ACTL6A: variants seen among roughly 807,000 people sequenced by gnomAD.
ACTL6A encodes actin-like protein 6A.
In ACTL6A, 5 loss-of-function variants were observed where a neutral mutation model predicts 59.2. The observed-to-expected ratio is 0.08, with a 90% CI of 0.04 to 0.18. The LOEUF (loss-of-function observed/expected upper bound fraction) is 0.18. Ranked by LOEUF, ACTL6A falls within the 10% of genes least tolerant of loss-of-function variation. The pLI, the probability that ACTL6A is intolerant of heterozygous loss-of-function variation, is 1.00. For missense variants in ACTL6A, 285 were observed against 526.9 expected, an observed-to-expected ratio of 0.54 and a Z score of 4.49; for synonymous variants, 154 against 171.8, an observed-to-expected ratio of 0.90 and a Z score of 0.81.
At chr3:179,575,254 G>A (rs1042291543) in intron 5 of ACTL6A, 6 of 393,586 alleles carry the variant, frequency 1.5e-5, no homozygotes, top group African/African-American at 8.4e-5. Context: ...CTCTGACCTC[G>A]CTGTGTTCTC....
chr3:179,585,075 A>AGATT (rs1004248043), intron 12 of ACTL6A, among the ~76,000 whole-genome samples: 2 of 152,110 alleles, frequency 1.3e-5, no homozygotes, highest in South Asian at 2.1e-4. Flanking sequence ...ACTAATCATT[A>AGATT]GATTGATTGA....
At position 179,572,982 on chromosome 3, in the gene ACTL6A, C is replaced by CTTTTTT. The variant is rs71628083; in HGVS notation, c.278-376_278-371dup. On this transcript the variant is annotated intron_variant, in intron 3 of 13. Coordinates refer to ENST00000429709, the MANE Select transcript of ACTL6A (RefSeq NM_004301.5). ...TCGGGTCTAGACCATACAATTCTTT[C>CTTTTTT]TTTTTTTTTTTTTTTTATAAATCCA... 1.4e-4 allele frequency among the ~76,000 whole-genome samples: 20 copies of CTTTTTT among 138,828 alleles called. 1 individual carries two copies. The highest frequency in any genetic ancestry group is 1.7e-4 in the Non-Finnish European group (11 of 64,712). The allele number at this position is 138,828 out of a possible 152,430, so 91.1% of individuals were successfully genotyped here.
At chr3:179,568,149 GCAGCAATA>G (rs1205592246) in intron 1 of ACTL6A, among the ~76,000 whole-genome samples, 1 of 144,984 alleles carries the variant, frequency 6.9e-6, no homozygotes, top group Non-Finnish European at 1.5e-5. Flanking sequence ...TCCAGCCTGG[GCAGCAATA>G]CAGCAAGACT....
intron 7 of ACTL6A, 22 bp downstream of exon 7, chr3:179,576,748 T>C: frequency 1.2e-6 from 2 of 1,608,838 alleles, no homozygotes; most frequent in African/African-American, 1.3e-5. Flanking sequence ...TTGAATTTTC[T>C]TTGTAGAACT....
chr3:179,571,663 G>A (rs1718012907), intron 3 of ACTL6A, among the ~76,000 whole-genome samples: 1 of 152,198 alleles, frequency 6.6e-6, no homozygotes, highest in Non-Finnish European at 1.5e-5. Context: ...CACAGGATGT[G>A]CTTAATCCCT....
At chr3:179,581,104 A>G in intron 10 of ACTL6A, 36 bp from the exon 11 acceptor site, 1 of 1,606,360 alleles carries the variant, frequency 6.2e-7, no homozygotes, top group South Asian at 1.1e-5. Flanking sequence ...CTGTATGAAG[A>G]GCTTCCATGT....
intron 8 of ACTL6A, among the ~76,000 whole-genome samples, chr3:179,579,123 T>C (rs1219130439): frequency 6.6e-6 from 1 of 152,206 alleles, no homozygotes; most frequent in East Asian, 1.9e-4. Context: ...TTGATTTTCA[T>C]TTATCTGATG....
At chr3:179,569,189 C>T (rs1470627843) in intron 1 of ACTL6A, among the ~76,000 whole-genome samples, 1 of 152,186 alleles carries the variant, frequency 6.6e-6, no homozygotes, top group Non-Finnish European at 1.5e-5. Context: ...TGGCTAACTG[C>T]ATCCCCTCTA....
chr3:179,581,165 G>A lies in ACTL6A; in HGVS notation c.971G>A (p.Gly324Glu). ...VKGLSGNTMLGVSHVVTTSVG... is the reference protein window; with the variant it reads ...VKGLSGNTMLEVSHVVTTSVG... ...GGGTTATCAGGAAACACAATGTTAG[G>A]AGTCAGTCATGTTGTCACCACAAGT... The change falls in exon 11 of 14, where the codon GGA becomes GAA. Residue 324 changes from glycine (G) to glutamate (E), a missense_variant. By Grantham distance (98) the Gly-to-Glu change is moderately conservative (BLOSUM62 -2). Transcript: ENST00000429709. 4 of 1,614,032 alleles carry A rather than the reference G, an allele frequency of 2.5e-6. No homozygotes were observed.
intron 3 of ACTL6A, among the ~76,000 whole-genome samples, chr3:179,572,056 G>A (rs1306908362): frequency 2.0e-5 from 3 of 152,130 alleles, no homozygotes; most frequent in Non-Finnish European, 2.9e-5. Flanking sequence ...TTCAGTAAAC[G>A]GGAATAAAAG....
intron 8 of ACTL6A, among the ~76,000 whole-genome samples, chr3:179,578,940 A>T (rs1309930221): frequency 6.6e-6 from 1 of 151,850 alleles, no homozygotes; most frequent in Admixed American, 6.6e-5. Flanking sequence ...TAATTTTTGT[A>T]TTCTTAGTTG....
intron 12 of ACTL6A, chr3:179,583,889 T>C (rs1274664561): frequency 2.0e-5 from 3 of 152,654 alleles, no homozygotes; most frequent in Non-Finnish European, 2.9e-5. Flanking sequence ...TCATTGCTAA[T>C]TTATGAAAGG....
At position 179,586,466 on chromosome 3, in the gene ACTL6A, TGAAAAAA is replaced by T. The variant is rs907921464; in HGVS notation, c.1123-79_1123-73del. ...TGGCGAGGAAGACCCTGTCTCTATT[TGAAAAAA>T]AAAAAAAAAAAAAGAATTTTCTAAG... On this transcript the variant is annotated intron_variant, in intron 12 of 13. Coordinates refer to ENST00000429709, the MANE Select transcript of ACTL6A (RefSeq NM_004301.5). The T allele has an allele frequency of 1.0e-5, 7 of 678,720 alleles. 1 individual carries two copies. Among genetic ancestry groups the T allele is most frequent in the East Asian group, 4.5e-5 (1 of 22,230 alleles). The allele number at this position is 678,720 out of a possible 1,614,324, so 42.0% of individuals were successfully genotyped here.
chr3:179,572,736 C>T (rs1718048102), intron 3 of ACTL6A, among the ~76,000 whole-genome samples: 3 of 152,056 alleles, frequency 2.0e-5, no homozygotes, highest in East Asian at 3.9e-4. Context: ...CCCCAGGAGG[C>T]GGAGGTTGCA....
chr3:179,571,155 G>A (rs200093706), intron 3 of ACTL6A, among the ~76,000 whole-genome samples: 1 of 152,106 alleles, frequency 6.6e-6, no homozygotes, highest in Non-Finnish European at 1.5e-5. Context: ...GGTGGCTCGC[G>A]CCTATATAAT....
At chr3:179,572,469 G>T (rs891614747) in intron 3 of ACTL6A, among the ~76,000 whole-genome samples, 1 of 152,168 alleles carries the variant, frequency 6.6e-6, no homozygotes, top group African/African-American at 2.4e-5. Flanking sequence ...AGAGAAGTCA[G>T]ATGAGATTAA....
chr3:179,564,820 C>T (rs1236301925), intron 1 of ACTL6A, among the ~76,000 whole-genome samples: 1 of 151,656 alleles, frequency 6.6e-6, no homozygotes, highest in Admixed American at 6.6e-5. Flanking sequence ...AAATAGACAC[C>T]GTATTTCACT....
intron 12 of ACTL6A, among the ~76,000 whole-genome samples, chr3:179,585,088 G>T (rs1315173825): frequency 6.6e-6 from 1 of 152,044 alleles, no homozygotes; most frequent in African/African-American, 2.4e-5. Context: ...TTGATTGATT[G>T]ATTGGAGATT....
chr3:179,563,163 G>A (rs963784358), intron 1 of ACTL6A, 46 bp downstream of exon 1: 6 of 1,586,258 alleles, frequency 3.8e-6, no homozygotes, highest in African/African-American at 2.7e-5. Context: ...TTCGGCGTGT[G>A]GGGTTTGTAA....
Sources: gnomAD v4.1 joint callset for allele counts (sites outside exome capture counted in the v4.1 genomes callset) on GRCh38, gnomAD v4.1.1 for gene constraint, MANE v1.5 for transcripts, NCBI Gene and HGNC (gene_info 2026-07-23, HGNC 2026-07-21) for gene names.